PPP2R2B: variants seen among roughly 807,000 people sequenced by gnomAD.
PPP2R2B encodes serine/threonine-protein phosphatase 2A 55 kDa regulatory subunit B beta isoform.
A neutral mutation model predicts 46.0 loss-of-function variants in PPP2R2B; 5 were observed. That is an observed-to-expected ratio of 0.11 (90% CI 0.06 to 0.23). The LOEUF is 0.23. PPP2R2B is among the 10% of genes least tolerant of loss of function. The pLI is 1.00. For missense variants in PPP2R2B, 367 were observed against 575.0 expected, an observed-to-expected ratio of 0.64 and a Z score of 3.70; for synonymous variants, 215 against 206.7, an observed-to-expected ratio of 1.04 and a Z score of -0.34.
chr5:146,736,047 T>C (rs919776601), intron 2 of PPP2R2B, among the ~76,000 whole-genome samples: 1 of 152,154 alleles, frequency 6.6e-6, no homozygotes, highest in Non-Finnish European at 1.5e-5. Flanking sequence ...GTGGAGATAA[T>C]TGAATCATGG....
intron 2 of PPP2R2B, among the ~76,000 whole-genome samples, chr5:147,079,630 C>T (rs919831334): frequency 2.0e-5 from 3 of 151,534 alleles, no homozygotes; most frequent in African/African-American, 2.4e-5. Flanking sequence ...ATATCAGGAA[C>T]CTAAAAAAGT....
chr5:146,634,488 C>A (rs1774663398), intron 7 of PPP2R2B, among the ~76,000 whole-genome samples: 1 of 152,072 alleles, frequency 6.6e-6, no homozygotes, highest in Non-Finnish European at 1.5e-5. Context: ...GTGTGTGTCA[C>A]CACACCTGGC....
At chr5:146,925,131 A>C (rs1763739051) in intron 1 of PPP2R2B, among the ~76,000 whole-genome samples, 1 of 152,224 alleles carries the variant, frequency 6.6e-6, no homozygotes. Context: ...CTACAGTGTT[A>C]AAATTATTGT....
chr5:147,048,107 G>A (rs370798865), intron 1 of PPP2R2B, among the ~76,000 whole-genome samples: 1 of 152,164 alleles, frequency 6.6e-6, no homozygotes, highest in East Asian at 1.9e-4. Context: ...CTCACGCATA[G>A]CCAGGGTTAA....
intron 1 of PPP2R2B, among the ~76,000 whole-genome samples, chr5:147,039,622 G>A (rs1320551698): frequency 6.6e-6 from 1 of 152,140 alleles, no homozygotes; most frequent in African/African-American, 2.4e-5. Context: ...CATCTATGAA[G>A]GCTACTTGCA....
In PPP2R2B at chr5:146,638,855, TATA is replaced by T. The variant is rs1252255954; in HGVS notation, c.626-443_626-441del. On this transcript the variant is annotated intron_variant, in intron 6 of 9. Coordinates refer to ENST00000394411, the MANE Select transcript of PPP2R2B (RefSeq NM_181675.4). ...GATTATTGGGCTGATAAGTGATATC[TATA>T]ATAATAGAGTGCATATCTTCTTTCA... Among the ~76,000 whole-genome samples the T allele has an allele frequency of 2.6e-5, 4 of 152,348 alleles. No individual in the cohort carries two copies. In the East Asian group the frequency reaches 7.7e-4, roughly 29 times the overall value.
intron 1 of PPP2R2B, among the ~76,000 whole-genome samples, chr5:146,937,540 G>GAA (rs1412643204): frequency 3.3e-5 from 5 of 152,170 alleles, no homozygotes; most frequent in African/African-American, 9.7e-5. Context: ...ACAGAAGGCA[G>GAA]AGAAAGAGAA....
At chr5:146,980,475 A>G (rs752453159) in intron 1 of PPP2R2B, among the ~76,000 whole-genome samples, 1 of 152,120 alleles carries the variant, frequency 6.6e-6, no homozygotes, top group Non-Finnish European at 1.5e-5. Context: ...CCCACCCCAG[A>G]GATTAAGATT....
At chr5:146,859,864 G>A (rs1003334621) in intron 2 of PPP2R2B, among the ~76,000 whole-genome samples, 1 of 151,946 alleles carries the variant, frequency 6.6e-6, no homozygotes, top group African/African-American at 2.4e-5. Flanking sequence ...GTATAGATTA[G>A]AACATCAGGG....
At chr5:146,721,109 G>A (rs1780773044) in intron 2 of PPP2R2B, among the ~76,000 whole-genome samples, 1 of 152,116 alleles carries the variant, frequency 6.6e-6, no homozygotes, top group Non-Finnish European at 1.5e-5. Context: ...CTCAGGCCTG[G>A]CTAAGTTTTC....
At chr5:146,670,192 A>G (rs574206432) in intron 5 of PPP2R2B, among the ~76,000 whole-genome samples, 2 of 152,136 alleles carry the variant, frequency 1.3e-5, no homozygotes, top group African/African-American at 2.4e-5. Flanking sequence ...TATTCAACAA[A>G]TGTTTGTTGA....
At chr5:146,934,835 C>T (rs1275683114) in intron 1 of PPP2R2B, among the ~76,000 whole-genome samples, 2 of 151,652 alleles carry the variant, frequency 1.3e-5, no homozygotes, top group East Asian at 3.9e-4. Context: ...GCACGTTCTT[C>T]CAGATCACCA....
intron 2 of PPP2R2B, among the ~76,000 whole-genome samples, chr5:147,062,295 C>T (rs1362186040): frequency 1.3e-5 from 2 of 152,046 alleles, no homozygotes; most frequent in Non-Finnish European, 2.9e-5. Context: ...GACAAAATTG[C>T]CTAATATTAC....
At chr5:147,009,210 C>T (rs140083090) in intron 1 of PPP2R2B, among the ~76,000 whole-genome samples, 13 of 152,092 alleles carry the variant, frequency 8.5e-5, no homozygotes, top group Non-Finnish European at 1.6e-4. Context: ...TTCTGTTTTC[C>T]TCTTTACCCT....
intron 2 of PPP2R2B, among the ~76,000 whole-genome samples, chr5:146,848,644 C>T (rs1363489969): frequency 6.6e-6 from 1 of 152,092 alleles, no homozygotes; most frequent in Non-Finnish European, 1.5e-5. Flanking sequence ...TCATGTTGGA[C>T]TTGATCACCT....
chr5:146,848,725 C>T (rs994305550), intron 2 of PPP2R2B, among the ~76,000 whole-genome samples: 1 of 152,156 alleles, frequency 6.6e-6, no homozygotes, highest in African/African-American at 2.4e-5. Flanking sequence ...GTACTCTGCA[C>T]CCTTAGAAAG....
At chr5:147,045,285 A>G (rs148941263) in intron 1 of PPP2R2B, among the ~76,000 whole-genome samples, 68 of 152,310 alleles carry the variant, frequency 4.5e-4, no homozygotes, top group Middle Eastern at 3.4e-3. Context: ...TGGTGATTCC[A>G]TAAGATTTTC....
At chr5:147,059,050 T>A (rs1267847516), upstream of PPP2R2B, among the ~76,000 whole-genome samples, 1 of 152,206 alleles carries the variant, frequency 6.6e-6, no homozygotes, top group Non-Finnish European at 1.5e-5. Flanking sequence ...CGGAAAGTTT[T>A]CCAAATACGC....
chr5:146,613,886 G>A (rs2151038306), intron 7 of PPP2R2B, among the ~76,000 whole-genome samples: 1 of 137,806 alleles, frequency 7.3e-6, no homozygotes, highest in South Asian at 2.5e-4. Context: ...CCATGCTCAT[G>A]GGTAGGAAGA....
Sources: gnomAD v4.1 joint callset for allele counts (sites outside exome capture counted in the v4.1 genomes callset) on GRCh38, gnomAD v4.1.1 for gene constraint, MANE v1.5 for transcripts, NCBI Gene and HGNC (gene_info 2026-07-23, HGNC 2026-07-21) for gene names.